THBS4: variants seen among roughly 807,000 people sequenced by gnomAD.
The protein encoded by THBS4 is thrombospondin-4.
THBS4 carries 90 observed loss-of-function variants against 115.7 expected under a neutral mutation model. The ratio of observed to expected loss-of-function variants is 0.78; its 90% CI spans 0.66 to 0.93. The LOEUF (loss-of-function observed/expected upper bound fraction) is 0.93. Among genes scored for constraint, THBS4 ranks in the 40% least tolerant of loss-of-function variants. THBS4 has a pLI of 0.00. For missense variants in THBS4, 1,087 were observed against 1,232.7 expected (o/e 0.88, Z 1.77); for synonymous variants, 460 against 479.3 (o/e 0.96, Z 0.53).
At chr5:80,050,960 G>A (rs572521394) in intron 2 of THBS4, among the ~76,000 whole-genome samples, 276 of 152,296 alleles carry the variant, frequency 1.8e-3, no homozygotes, top group Non-Finnish European at 2.9e-3. Flanking sequence ...TGGTCGAGTC[G>A]GGAGGTGGGA....
chr5:80,078,085 A>C lies in THBS4; in HGVS notation c.2123A>C (p.Asp708Ala). 3.1e-6 allele frequency: 5 copies of C among 1,603,778 alleles called. No homozygotes were observed. The highest frequency in any genetic ancestry group is 4.3e-6 in the Non-Finnish European group (5 of 1,173,096). Residue 708 changes from aspartate (D) to alanine (A), a missense_variant, in exon 17 of 22, where the codon GAC becomes GCC. Coordinates refer to ENST00000350881, the MANE Select transcript of THBS4 (RefSeq NM_003248.6). ...GVGDICESDF[D>A]QDQVIDRIDV... Reference sequence around the variant, plus strand: ...GGAGACATCTGTGAGTCTGACTTTGACCAGGACCAGGTCATCGATCGGATC... The same window carrying C: ...GGAGACATCTGTGAGTCTGACTTTGCCCAGGACCAGGTCATCGATCGGATC...
intron 17 of THBS4, 47 bp from the exon 18 acceptor site, chr5:80,078,874 C>T (rs375394764): frequency 1.5e-4 from 237 of 1,586,852 alleles, no homozygotes; most frequent in Non-Finnish European, 2.0e-4. Context: ...CTTAAGGTTA[C>T]TTGGCCCCTT....
chr5:80,070,762 G>A lies in THBS4; in HGVS notation c.1560+12G>A, dbSNP rs746187460. ...TCCTGAATGAGCAGGTACCTGCTTC[G>A]CTGGGAGGGCCTGTGAATTGCCACG... On this transcript the variant is annotated intron_variant, in intron 12 of 21. Coordinates refer to ENST00000350881, the MANE Select transcript of THBS4 (RefSeq NM_003248.6). The A allele has an allele frequency of 1.2e-4, 190 of 1,612,772 alleles. No homozygotes were observed. The highest frequency in any genetic ancestry group is 1.8e-4 in the Admixed American group (11 of 60,000).
chr5:80,061,610 T>C (rs1833636969), intron 7 of THBS4, 85 bp from the exon 8 acceptor site: 7 of 1,455,910 alleles, frequency 4.8e-6, no homozygotes. Context: ...GTTAAATGAC[T>C]AAACAAGTAT....
At chr5:80,052,173 T>C (rs1351547063) in intron 2 of THBS4, among the ~76,000 whole-genome samples, 1 of 152,200 alleles carries the variant, frequency 6.6e-6, no homozygotes, top group African/African-American at 2.4e-5. Context: ...ATTGAGTTAG[T>C]GCATATGTTT....
At chr5:80,009,303 T>C (rs764392044) in intron 2 of THBS4, among the ~76,000 whole-genome samples, 22 of 152,222 alleles carry the variant, frequency 1.4e-4, no homozygotes, top group Admixed American at 5.9e-4. Context: ...TGCCAAGAGA[T>C]GCATTGAGAA....
chr5:80,004,002 A>G (rs1831963634), intron 2 of THBS4, among the ~76,000 whole-genome samples: 1 of 152,174 alleles, frequency 6.6e-6, no homozygotes, highest in South Asian at 2.1e-4. Flanking sequence ...GGATGTTGCT[A>G]ATGTGACCTG....
chr5:80,002,301 A>G (rs938778658), intron 2 of THBS4, among the ~76,000 whole-genome samples: 1 of 152,100 alleles, frequency 6.6e-6, no homozygotes, highest in African/African-American at 2.4e-5. Flanking sequence ...CTACCAAGAC[A>G]CATCTGCTGG....
At chr5:79,994,243 C>T (rs1441365874) in intron 1 of THBS4, among the ~76,000 whole-genome samples, 1 of 152,142 alleles carries the variant, frequency 6.6e-6, no homozygotes, top group Non-Finnish European at 1.5e-5. Flanking sequence ...TTGTGTCCCT[C>T]CTTGAAAATA....
intron 2 of THBS4, among the ~76,000 whole-genome samples, chr5:80,049,519 A>G (rs1833185062): frequency 6.6e-6 from 1 of 152,214 alleles, no homozygotes; most frequent in Non-Finnish European, 1.5e-5. Flanking sequence ...AAAGATGCCA[A>G]GTTTAGAGGG....
intron 2 of THBS4, among the ~76,000 whole-genome samples, chr5:80,028,189 C>A (rs1267777074): frequency 6.6e-6 from 1 of 151,994 alleles, no homozygotes; most frequent in Non-Finnish European, 1.5e-5. Flanking sequence ...CCCACCCCAC[C>A]CCACCTCCGC....
At chr5:80,012,237 C>G (rs903648911) in intron 2 of THBS4, among the ~76,000 whole-genome samples, 19 of 152,284 alleles carry the variant, frequency 1.2e-4, no homozygotes, top group Admixed American at 7.2e-4. Flanking sequence ...CCAGACCAGC[C>G]TCTGCCACTG....
At chr5:80,078,717 C>A in intron 17 of THBS4, 1 of 506,630 alleles carries the variant, frequency 2.0e-6, no homozygotes, top group South Asian at 4.6e-5. Flanking sequence ...TTCTATTCAG[C>A]TTTGAGCTTT....
chr5:80,078,129 G>T lies in THBS4; in HGVS notation c.2167G>T (p.Ala723Ser), dbSNP rs558997283. The T allele has an allele frequency of 1.9e-6, 3 of 1,612,616 alleles. No individual in the cohort carries two copies. The highest frequency in any genetic ancestry group is 3.3e-5 in the Admixed American group (2 of 59,908). Residue 723 changes from alanine to serine, a missense_variant, in exon 17 of 22, where the codon GCA becomes TCA. Around this residue, in one of 3 missense-constraint regions of THBS4, gnomAD observed 979 missense variants for 1,103.7 expected, o/e 0.89. Coordinates refer to ENST00000350881, the MANE Select transcript of THBS4 (RefSeq NM_003248.6). ...IDRIDVCPEN[A>S]EVTLTDFRAY... ...TCGGATCGACGTCTGCCCAGAGAACGCAGAGGTCACCCTGACCGACTTCAG... is the reference window on the plus strand; with the variant it reads ...TCGGATCGACGTCTGCCCAGAGAACTCAGAGGTCACCCTGACCGACTTCAG...
intron 2 of THBS4, among the ~76,000 whole-genome samples, chr5:80,008,172 GT>G (rs1832053955): frequency 6.6e-6 from 1 of 152,162 alleles, no homozygotes; most frequent in African/African-American, 2.4e-5. Context: ...AAGATACTTT[GT>G]TTATGTACTA....
chr5:80,047,440 A>G (rs1386116824), intron 2 of THBS4, among the ~76,000 whole-genome samples: 2 of 152,112 alleles, frequency 1.3e-5, no homozygotes, highest in African/African-American at 4.8e-5. Flanking sequence ...ACATTTAAGT[A>G]GAAAAGTTAA....
chr5:80,049,784 A>G (rs1580946685), intron 2 of THBS4, among the ~76,000 whole-genome samples: 3 of 152,204 alleles, frequency 2.0e-5, no homozygotes, highest in African/African-American at 4.8e-5. Context: ...TTTAGAATCC[A>G]CTAGGGAGTT....
At position 80,035,642 on chromosome 5, in the gene THBS4, CG is replaced by C; in HGVS notation, c.88+20del. On this transcript the variant is annotated intron_variant, in intron 1 of 21. Coordinates refer to ENST00000350881, the MANE Select transcript of THBS4 (RefSeq NM_003248.6). The surrounding 1 kb of genome is among the most constrained non-coding windows in gnomAD (Gnocchi z 4.6). The stretch of plus-strand genomic sequence containing the variant: ...CCCCCCAGGGTAAGTGGGTTCGGGT[CG>C]GGCCTGGGAGCGCCGGGCACCGGGT... 7.5e-7 allele frequency: 1 copy of C among 1,330,470 alleles called. No individual in the cohort carries two copies. The highest frequency in any genetic ancestry group is 9.6e-7 in the Non-Finnish European group (1 of 1,038,550). The allele number at this position is 1,330,470 out of a possible 1,614,324, so 82.4% of individuals were successfully genotyped here.
chr5:80,063,292 T>G (rs1012927401), intron 8 of THBS4, among the ~76,000 whole-genome samples: 1 of 152,220 alleles, frequency 6.6e-6, no homozygotes, highest in African/African-American at 2.4e-5. Flanking sequence ...CCAGTAATGG[T>G]GAGCATTTTT....
Sources: allele counts gnomAD v4.1 joint callset (sites outside exome capture counted in the v4.1 genomes callset), GRCh38; gene constraint gnomAD v4.1.1; regional missense constraint gnomAD v4.1.1; non-coding constraint Gnocchi (gnomAD v3.1); transcripts MANE v1.5; gene names NCBI Gene and HGNC (gene_info 2026-07-23, HGNC 2026-07-21).